Variants in RCC2 observed in about 807,000 individuals in gnomAD.
RCC2 encodes protein RCC2.
In RCC2, 19 loss-of-function variants were observed where a neutral mutation model predicts 64.1. That is an observed-to-expected ratio of 0.30 (90% confidence interval 0.21 to 0.44). The LOEUF (loss-of-function observed/expected upper bound fraction) is 0.44, where lower values mean the gene tolerates loss of function less well. Among genes scored for constraint, RCC2 ranks in the 20% least tolerant of loss-of-function variants. RCC2 has a pLI of 1.00. For synonymous variants in RCC2, 325 were observed against 279.6 expected, an observed-to-expected ratio of 1.16 and a Z score of -1.62; for missense variants, 508 against 710.4, an observed-to-expected ratio of 0.72 and a Z score of 3.24.
intron 2 of RCC2, 38 bp downstream of exon 2, chr1:17,438,192 G>T (rs763754410): frequency 8.6e-7 from 1 of 1,168,548 alleles, no homozygotes; most frequent in South Asian, 3.3e-5. Flanking sequence ...CGCCGGCCCC[G>T]GCCCTGCGCC....
chr1:17,413,761 A>G lies in RCC2; in HGVS notation c.1027-44T>C, dbSNP rs111735360. On this transcript the variant is annotated intron_variant, in intron 8 of 12. Coordinates refer to ENST00000375436, the MANE Select transcript of RCC2 (RefSeq NM_018715.4). ...CAGGGTTGGAACAAACAGACTTCCA[A>G]CAGGCAACAAGAGGGGTCATCGTTT... is the stretch of plus-strand genomic sequence containing the variant. 1.1e-3 allele frequency: 1,673 copies of G among 1,557,626 alleles called. 22 individuals are homozygous for G. In the African/African-American group the frequency reaches 0.02, roughly 19 times the overall value.
At chr1:17,431,359 A>AAAAAAAATATAT (rs1553158471) in intron 2 of RCC2, among the ~76,000 whole-genome samples, 1 of 44,932 alleles carries the variant, frequency 2.2e-5, no homozygotes, top group Non-Finnish European at 3.8e-5. Context: ...AAAAAAAAAA[A>AAAAAAAATATAT]ATATATATAT....
intron 10 of RCC2, 44 bp downstream of exon 10, chr1:17,413,029 T>C: frequency 7.0e-7 from 1 of 1,437,432 alleles, no homozygotes; most frequent in Non-Finnish European, 9.8e-7. Flanking sequence ...GACACCCCCA[T>C]GAAAGGAAGA....
chr1:17,416,411 G>A (rs1039341844), intron 8 of RCC2, 69 bp downstream of exon 8: 1 of 1,514,930 alleles, frequency 6.6e-7, no homozygotes, highest in Admixed American at 1.9e-5. Flanking sequence ...CAAGCGTCAG[G>A]AAACTTGAGC....
chr1:17,438,223 C>T lies in RCC2; in HGVS notation c.285+7G>A. 7.8e-7 allele frequency: 1 copy of T among 1,289,274 alleles called. No homozygotes were observed. The highest frequency in any genetic ancestry group is 1.0e-6 in the Non-Finnish European group (1 of 1,001,092). 79.9% of individuals were successfully genotyped at this position (1,289,274 alleles called of 1,614,324 possible). A position where few individuals can be genotyped will look rare whatever the true frequency, so the allele number is the denominator to read the frequency against. ...GCGCCCACCCGTCTACCCTGACCCT[C>T]ACTCACGACGCGCTCCTTGGTGTGC... On this transcript the variant is annotated splice_region_variant and intron_variant, in intron 2 of 12. Coordinates refer to ENST00000375436, the MANE Select transcript of RCC2 (RefSeq NM_018715.4).
At chr1:17,416,068 CAA>C (rs1180836026) in intron 8 of RCC2, among the ~76,000 whole-genome samples, 6 of 67,118 alleles carry the variant, frequency 8.9e-5, no homozygotes, top group African/African-American at 1.3e-4. Context: ...AAACTGTCTC[CAA>C]AAAAAAAAGG....
At chr1:17,425,219 C>G (rs1195535228) in intron 4 of RCC2, among the ~76,000 whole-genome samples, 3 of 152,132 alleles carry the variant, frequency 2.0e-5, no homozygotes, top group African/African-American at 7.2e-5. Context: ...GAAGGACAGC[C>G]TGCCTAACAC....
chr1:17,425,466 CA>C, intron 4 of RCC2, 74 bp downstream of exon 4: 1 of 1,419,220 alleles, frequency 7.0e-7, no homozygotes. Flanking sequence ...CTTTTCCAGG[CA>C]AACAGAAGAA....
At chr1:17,410,464 A>T (rs2075412231) in intron 11 of RCC2, among the ~76,000 whole-genome samples, 1 of 152,240 alleles carries the variant, frequency 6.6e-6, no homozygotes, top group Non-Finnish European at 1.5e-5. Context: ...CCAGAGTGGA[A>T]TAATCACCAT....
At chr1:17,419,075 C>G (rs1328829703) in intron 7 of RCC2, among the ~76,000 whole-genome samples, 1 of 152,170 alleles carries the variant, frequency 6.6e-6, no homozygotes, top group Non-Finnish European at 1.5e-5. Context: ...AATGGCATGG[C>G]TGGGCACGGT....
rs560612914 is a variant in RCC2, at chr1:17,431,626, T to A, written c.286-2427A>T. 7.2e-5 allele frequency among the ~76,000 whole-genome samples: 11 copies of A among 151,798 alleles called. 1 individual carries two copies. The highest frequency in any genetic ancestry group is 2.7e-4 in the African/African-American group (11 of 41,428). ...TTTGGCAGTACGGCTCACGCATTTC[T>A]AAGATTACACATCTTCATGACGGAT... On this transcript the variant is annotated intron_variant, in intron 2 of 12. Coordinates refer to ENST00000375436, the MANE Select transcript of RCC2 (RefSeq NM_018715.4).
intron 2 of RCC2, among the ~76,000 whole-genome samples, chr1:17,433,907 C>T (rs753362700): frequency 3.9e-5 from 6 of 152,152 alleles, no homozygotes; most frequent in Non-Finnish European, 7.4e-5. Flanking sequence ...AACAGACTTC[C>T]GGGTTGGCTT....
chr1:17,430,000 T>C (rs968379009), intron 2 of RCC2, among the ~76,000 whole-genome samples: 11 of 152,244 alleles, frequency 7.2e-5, no homozygotes, highest in Non-Finnish European at 4.4e-5. Context: ...TGTTCAATTC[T>C]GGGTGGCACT....
At chr1:17,421,020 AC>A (rs2075550263) in intron 6 of RCC2, among the ~76,000 whole-genome samples, 192 bp from the exon 7 acceptor site, 1 of 151,928 alleles carries the variant, frequency 6.6e-6, no homozygotes, top group South Asian at 2.1e-4. Flanking sequence ...GCACCCTCAG[AC>A]CCCCACCCTC....
At chr1:17,433,045 CGT>C (rs1182730210) in intron 2 of RCC2, among the ~76,000 whole-genome samples, 1 of 152,124 alleles carries the variant, frequency 6.6e-6, no homozygotes, top group Non-Finnish European at 1.5e-5. Context: ...CATATACATA[CGT>C]GTGTATACAT....
At position 17,438,383 on chromosome 1, in the gene RCC2, G is replaced by GCTA; in HGVS notation, c.129_131dup (p.Ser46dup). The GCTA allele has an allele frequency of 2.4e-6, 3 of 1,249,524 alleles. No homozygotes were observed. The highest frequency in any genetic ancestry group is 3.3e-5 in the South Asian group (1 of 30,078). The allele number at this position is 1,249,524 out of a possible 1,614,324, so 77.4% of individuals were successfully genotyped here. A position where few individuals can be genotyped will look rare whatever the true frequency, so the allele number is the denominator to read the frequency against. ...CGCCGCTGCTGCCGCCGCCGCTGCT[G>GCTA]CTACTGCAGCGCTCGGGCCGCTCGC... On this transcript the variant is annotated inframe_insertion, in exon 2 of 13. Coordinates refer to ENST00000375436, the MANE Select transcript of RCC2 (RefSeq NM_018715.4).
At chr1:17,432,902 G>C (rs2075697327) in intron 2 of RCC2, among the ~76,000 whole-genome samples, 1 of 152,190 alleles carries the variant, frequency 6.6e-6, no homozygotes, top group Admixed American at 6.5e-5. Context: ...GGCTTGCAGT[G>C]AGCCGAGATC....
At chr1:17,419,649 C>A (rs1488595425) in intron 7 of RCC2, among the ~76,000 whole-genome samples, 1 of 152,222 alleles carries the variant, frequency 6.6e-6, no homozygotes, top group African/African-American at 2.4e-5. Context: ...CACACACAGT[C>A]ACTGCTCCAT....
rs1038196411 is a variant in RCC2, at chr1:17,407,644, GCAACAA to G, written c.*1440_*1445del. The G allele has an allele frequency of 6.6e-6, 1 of 152,436 alleles. No individual in the cohort carries two copies. The highest frequency in any genetic ancestry group is 2.4e-5 in the African/African-American group (1 of 41,354). 9.4% of individuals were successfully genotyped at this position (152,436 alleles called of 1,614,324 possible). On this transcript the variant is annotated 3_prime_UTR_variant, in exon 13 of 13. Coordinates refer to ENST00000375436, the MANE Select transcript of RCC2 (RefSeq NM_018715.4). ...ACTGGGGTGGAAAATAGGGAAAAAAGCAACAACAACTACATCATTTTTGGCATTTTA... is the reference window on the plus strand; with the variant it reads ...ACTGGGGTGGAAAATAGGGAAAAAAGCAACTACATCATTTTTGGCATTTTA...
Sources: gnomAD v4.1 joint callset for allele counts (sites outside exome capture counted in the v4.1 genomes callset) on GRCh38, gnomAD v4.1.1 for gene constraint, MANE v1.5 for transcripts, NCBI Gene and HGNC (gene_info 2026-07-23, HGNC 2026-07-21) for gene names.